Variants in B3GALT5 observed in about 807,000 individuals in gnomAD.
B3GALT5 encodes the protein beta-1,3-galactosyltransferase 5, also known as UDP-Gal:betaGlcNAc beta 1,3-galactosyltransferase, polypeptide 5.
For missense variants in B3GALT5, 328 were observed against 396.6 expected (o/e 0.83, Z 1.47); for synonymous variants, 156 against 158.6 (o/e 0.98, Z 0.12).
intron 2 of B3GALT5, among the ~76,000 whole-genome samples, chr21:39,649,382 G>A (rs183832355): frequency 2.6e-5 from 4 of 152,230 alleles, no homozygotes; most frequent in East Asian, 1.9e-4. Context: ...AGGCCCTTCC[G>A]GATTCCCTGC....
In B3GALT5 at chr21:39,660,602, G is replaced by A. The variant is rs576093805; in HGVS notation, c.43G>A (p.Val15Ile). ...KMRLMYICLL[V>I]LGALCLYFSM... ...GAGATTGATGTATATTTGCCTTCTG[G>A]TTCTGGGGGCTCTTTGTTTGTATTT... The change falls in exon 4 of 4, where the codon GTT becomes ATT. Residue 15 changes from valine to isoleucine, a missense_variant. Physicochemically the swap from Val to Ile is conservative, Grantham distance 29 (BLOSUM62 3). Coordinates refer to ENST00000684187, the MANE Select transcript of B3GALT5 (RefSeq NM_001356336.2). The A allele has an allele frequency of 3.5e-6, 5 of 1,448,324 alleles. No homozygotes were observed. The South Asian group carries it at 5.2e-5, about 15-fold the overall frequency. The allele number at this position is 1,448,324 out of a possible 1,614,324, so 89.7% of individuals were successfully genotyped here.
chr21:39,661,039 C>T lies in B3GALT5; in HGVS notation c.480C>T (p.Phe160=). Residue 160 remains phenylalanine, a synonymous_variant, in exon 4 of 4, where the codon TTC becomes TTT. Transcript: ENST00000684187. This position sits in a 1 kb window ranked among gnomAD's most constrained non-coding sequence, Gnocchi z 4.7. ...AFVMKTDSDM[F]INVDYLTELL... ...TGATGAAAACAGACTCAGACATGTT[C>T]ATCAATGTTGACTATCTGACTGAAC... is the stretch of plus-strand genomic sequence containing the variant. The T allele has an allele frequency of 1.2e-6, 2 of 1,614,172 alleles. No individual in the cohort carries two copies. The highest frequency in any genetic ancestry group is 1.7e-6 in the Non-Finnish European group (2 of 1,180,022).
At chr21:39,622,510 T>C (rs2079139256) in intron 1 of B3GALT5, among the ~76,000 whole-genome samples, 1 of 152,102 alleles carries the variant, frequency 6.6e-6, no homozygotes, top group Non-Finnish European at 1.5e-5. Flanking sequence ...TACTTTTGGC[T>C]TGAATTCTTT....
At chr21:39,633,328 A>G (rs2079204348) in intron 1 of B3GALT5, among the ~76,000 whole-genome samples, 1 of 152,120 alleles carries the variant, frequency 6.6e-6, no homozygotes, top group Non-Finnish European at 1.5e-5. Flanking sequence ...ACTCAGTGAA[A>G]TGGTTATTTT....
At chr21:39,640,059 G>C (rs571347917) in intron 1 of B3GALT5, among the ~76,000 whole-genome samples, 1 of 151,176 alleles carries the variant, frequency 6.6e-6, no homozygotes, top group Admixed American at 6.6e-5. Context: ...TGTAGTTGCT[G>C]CCATGGTAGA....
At chr21:39,651,745 G>A (rs755095437) in intron 2 of B3GALT5, among the ~76,000 whole-genome samples, 15 of 150,058 alleles carry the variant, frequency 1.0e-4, no homozygotes, top group African/African-American at 3.4e-4. Flanking sequence ...AAATACCGGC[G>A]AAGCTAGTCC....
chr21:39,640,502 G>A (rs746485945), intron 1 of B3GALT5, among the ~76,000 whole-genome samples: 2 of 152,138 alleles, frequency 1.3e-5, no homozygotes, highest in Non-Finnish European at 2.9e-5. Flanking sequence ...CTCAACATAG[G>A]AAAACACCTT....
At chr21:39,623,245 T>C (rs140628097) in intron 1 of B3GALT5, among the ~76,000 whole-genome samples, 9 of 91,198 alleles carry the variant, frequency 9.9e-5, no homozygotes, top group South Asian at 4.6e-4. Flanking sequence ...CTCCCTCCCT[T>C]CCTTCCTTCC....
chr21:39,623,981 A>G (rs1007698919), intron 1 of B3GALT5, among the ~76,000 whole-genome samples: 1 of 152,116 alleles, frequency 6.6e-6, no homozygotes, highest in Admixed American at 6.5e-5. Context: ...ATAAGTCCTG[A>G]TTGTTACTGG....
rs78597732 is a variant in B3GALT5 at position 39,616,685 on chromosome 21, C to T, written c.-392+3618C>T. The stretch of plus-strand genomic sequence containing the variant: ...CTCCTATGTGAACATCGTTTCCTTC[C>T]CAGAGCTTCCTTTGGTGTCCTGGAG... On this transcript the variant is annotated intron_variant, in intron 1 of 3. Coordinates refer to ENST00000684187, the MANE Select transcript of B3GALT5 (RefSeq NM_001356336.2). 5.0e-3 allele frequency among the ~76,000 whole-genome samples: 761 copies of T among 152,212 alleles called. 11 individuals carry two copies. Among genetic ancestry groups the T allele is most frequent in the African/African-American group, 0.018 (735 of 41,514 alleles).
intron 1 of B3GALT5, among the ~76,000 whole-genome samples, chr21:39,627,540 G>A (rs1370649536): frequency 6.6e-6 from 1 of 151,888 alleles, no homozygotes; most frequent in African/African-American, 2.4e-5. Flanking sequence ...GTATTCAGTC[G>A]ATCCCCTTTC....
In B3GALT5 at chr21:39,661,354, C is replaced by T. The variant is rs778660833; in HGVS notation, c.795C>T (p.Thr265=). ...IRLEELHSQP[T]FFPGGLRFSV... ...TGGAGGAGCTCCACTCCCAGCCGAC[C>T]TTTTTTCCAGGGGGCTTACGCTTCT... The change falls in exon 4 of 4, where the codon ACC becomes ACT. Residue 265 remains threonine, a synonymous_variant. Transcript: ENST00000684187. This position sits in a 1 kb window ranked among gnomAD's most constrained non-coding sequence, Gnocchi z 4.7. The T allele has an allele frequency of 1.2e-6, 2 of 1,611,134 alleles. No homozygotes were observed. Among genetic ancestry groups the T allele is most frequent in the East Asian group, 2.2e-5 (1 of 44,852 alleles).
chr21:39,649,474 A>G (rs1208736173), intron 2 of B3GALT5, among the ~76,000 whole-genome samples: 1 of 152,234 alleles, frequency 6.6e-6, no homozygotes, highest in Non-Finnish European at 1.5e-5. Flanking sequence ...CCCGTTAAAG[A>G]AAAGCCAGAG....
intron 2 of B3GALT5, among the ~76,000 whole-genome samples, chr21:39,658,062 C>T (rs1321288757): frequency 6.6e-6 from 1 of 152,198 alleles, no homozygotes; most frequent in Non-Finnish European, 1.5e-5. Context: ...GGTGCCCCTA[C>T]CTCCTCCTTC....
chr21:39,623,175 CTCTT>C (rs1462925308), intron 1 of B3GALT5, among the ~76,000 whole-genome samples: 2 of 125,860 alleles, frequency 1.6e-5, no homozygotes, highest in East Asian at 2.5e-4. Flanking sequence ...CTCTCTCTCT[CTCTT>C]TTCCATCCAT....
At chr21:39,624,602 G>T (rs2079154175) in intron 1 of B3GALT5, among the ~76,000 whole-genome samples, 1 of 152,264 alleles carries the variant, frequency 6.6e-6, no homozygotes, top group Non-Finnish European at 1.5e-5. Context: ...TGAGGCAAAT[G>T]GTGGAGTGCT....
In B3GALT5 at chr21:39,613,050, G is replaced by C. The variant is rs1415827195; in HGVS notation, c.-409G>C. ...GGCTTCCAGCCCGACTGGGCCTGCC[G>C]GGGCTGCCCCGCGCACGGTAAGGCC... On this transcript the variant is annotated 5_prime_UTR_variant, in exon 1 of 4. Coordinates refer to ENST00000684187, the MANE Select transcript of B3GALT5 (RefSeq NM_001356336.2). 1.3e-5 allele frequency: 2 copies of C among 150,462 alleles called. No individual in the cohort carries two copies. The highest frequency in any genetic ancestry group is 3.0e-5 in the Non-Finnish European group (2 of 67,544). The allele number at this position is 150,462 out of a possible 1,614,324, so 9.3% of individuals were successfully genotyped here.
At chr21:39,656,930 A>T (rs1182003997) in intron 2 of B3GALT5, among the ~76,000 whole-genome samples, 6 of 152,156 alleles carry the variant, frequency 3.9e-5, no homozygotes, top group African/African-American at 7.2e-5. Flanking sequence ...TTCAGGAGGG[A>T]TGTAAGACAT....
intron 2 of B3GALT5, among the ~76,000 whole-genome samples, chr21:39,647,548 ACGC>A (rs2079353180): frequency 3.0e-5 from 1 of 33,110 alleles, no homozygotes; most frequent in Non-Finnish European, 6.3e-5. Flanking sequence ...CTTGCTGGCC[ACGC>A]TGGTCCACGC....
Sources: allele counts gnomAD v4.1 joint callset (sites outside exome capture counted in the v4.1 genomes callset), GRCh38; gene constraint gnomAD v4.1.1; non-coding constraint Gnocchi (gnomAD v3.1); transcripts MANE v1.5; gene names NCBI Gene and HGNC (gene_info 2026-07-23, HGNC 2026-07-21).